COL4A1: variants seen among roughly 807,000 people sequenced by gnomAD.
COL4A1 encodes collagen alpha-1(IV) chain.
In COL4A1, 40 loss-of-function variants were observed where a neutral mutation model predicts 216.6. That is an observed-to-expected ratio of 0.18 (90% CI 0.14 to 0.24). COL4A1 has a LOEUF of 0.24. Ranked by LOEUF, COL4A1 falls within the 10% of genes least tolerant of loss-of-function variation. The pLI, the probability that COL4A1 is intolerant of heterozygous loss-of-function variation, is 1.00. For synonymous variants in COL4A1, 839 were observed against 810.7 expected, an observed-to-expected ratio of 1.03 and a Z score of -0.59; for missense variants, 1,628 against 2,196.8, an observed-to-expected ratio of 0.74 and a Z score of 5.18.
chr13:110,251,748 G>A (rs1201556963), intron 1 of COL4A1, among the ~76,000 whole-genome samples: 2 of 152,158 alleles, frequency 1.3e-5, no homozygotes, highest in East Asian at 3.9e-4. Context: ...GGTGCAAGCC[G>A]GTACAGAATT....
chr13:110,201,319 GGGAGGAGGAAGGAGGA>G (rs970670617), intron 19 of COL4A1, 103 bp downstream of exon 19: 2 of 667,242 alleles, frequency 3.0e-6, no homozygotes, highest in African/African-American at 2.0e-5. Context: ...GAGAAGGAGG[GGGAGGAGGAAGGAGGA>G]GGAGGAACAG....
intron 1 of COL4A1, among the ~76,000 whole-genome samples, chr13:110,284,927 G>A (rs961501467): frequency 3.3e-5 from 5 of 152,182 alleles, no homozygotes; most frequent in African/African-American, 7.2e-5. Context: ...AGATGACACC[G>A]TCCCTGCCCT....
intron 2 of COL4A1, among the ~76,000 whole-genome samples, chr13:110,227,169 A>G (rs1225147523): frequency 1.3e-5 from 2 of 152,142 alleles, no homozygotes; most frequent in Non-Finnish European, 2.9e-5. Context: ...TTTTTTTCTT[A>G]ACTACTTAAT....
At chr13:110,288,779 A>G (rs1269315632) in intron 1 of COL4A1, among the ~76,000 whole-genome samples, 1 of 152,166 alleles carries the variant, frequency 6.6e-6, no homozygotes, top group East Asian at 1.9e-4. Context: ...CACGCCTGTA[A>G]TCCCAGCACT....
At position 110,201,348 on chromosome 13, in the gene COL4A1, G is replaced by A. The variant is rs114047868; in HGVS notation, c.1084+90C>T. ...GGAGGAAGGAGGAGGAGGAACAGGAGGAGGAGGAGGAAGAGGACGAGGAGG... is the reference window on the plus strand; with the variant it reads ...GGAGGAAGGAGGAGGAGGAACAGGAAGAGGAGGAGGAAGAGGACGAGGAGG... On this transcript the variant is annotated intron_variant, in intron 19 of 51. Transcript: ENST00000375820. The A allele has an allele frequency of 0.019, 17,451 of 931,546 alleles. 352 individuals are homozygous for A. The highest frequency in any genetic ancestry group is 0.09 in the East Asian group (3,381 of 37,558). The allele number at this position is 931,546 out of a possible 1,614,324, so 57.7% of individuals were successfully genotyped here.
intron 1 of COL4A1, among the ~76,000 whole-genome samples, chr13:110,259,813 C>T (rs1351657242): frequency 9.2e-5 from 14 of 152,228 alleles, no homozygotes; most frequent in Non-Finnish European, 2.1e-4. Flanking sequence ...GCTGCCTTCT[C>T]CTCCGGGCTC....
intron 2 of COL4A1, among the ~76,000 whole-genome samples, chr13:110,223,876 T>C (rs1880617611): frequency 6.6e-6 from 1 of 152,204 alleles, no homozygotes; most frequent in African/African-American, 2.4e-5. Context: ...GGCTTGGTAC[T>C]GACCTGCCAA....
At chr13:110,224,374 G>A (rs1398288451) in intron 2 of COL4A1, among the ~76,000 whole-genome samples, 1 of 152,216 alleles carries the variant, frequency 6.6e-6, no homozygotes, top group East Asian at 1.9e-4. Context: ...CCAAGCTGGA[G>A]TACAGTGGCA....
chr13:110,207,346 T>G lies in COL4A1; in HGVS notation c.780+57A>C, dbSNP rs1879566029. The G allele has an allele frequency of 6.8e-7, 1 of 1,469,380 alleles. No individual in the cohort carries two copies. The highest frequency in any genetic ancestry group is 9.5e-7 in the Non-Finnish European group (1 of 1,047,912). 91.0% of individuals were successfully genotyped at this position (1,469,380 alleles called of 1,614,324 possible). ...AGTTTTGACCCATTTTCTCTTTATCTTTTGGAATTTGTCCAAAATTAGAAA... is the reference window on the plus strand; with the variant it reads ...AGTTTTGACCCATTTTCTCTTTATCGTTTGGAATTTGTCCAAAATTAGAAA... On this transcript the variant is annotated intron_variant, in intron 13 of 51. Coordinates refer to ENST00000375820, the MANE Select transcript of COL4A1 (RefSeq NM_001845.6). This position sits in a 1 kb window ranked among gnomAD's most constrained non-coding sequence, Gnocchi z 4.4.
intron 1 of COL4A1, among the ~76,000 whole-genome samples, chr13:110,247,228 C>T (rs144833229): frequency 6.6e-6 from 1 of 152,238 alleles, no homozygotes; most frequent in African/African-American, 2.4e-5. Flanking sequence ...GCCAAACTGA[C>T]TTAACTGTGT....
intron 2 of COL4A1, among the ~76,000 whole-genome samples, chr13:110,239,354 G>T (rs1881458212): frequency 6.6e-6 from 1 of 152,198 alleles, no homozygotes; most frequent in South Asian, 2.1e-4. Flanking sequence ...CTGATGGTTT[G>T]CAAATAATAG....
At chr13:110,256,863 T>C (rs1473542519) in intron 1 of COL4A1, among the ~76,000 whole-genome samples, 1 of 152,184 alleles carries the variant, frequency 6.6e-6, no homozygotes, top group Non-Finnish European at 1.5e-5. Flanking sequence ...TTGATTAATT[T>C]AATATTACTT....
chr13:110,295,519 C>A (rs1483741717), intron 1 of COL4A1, among the ~76,000 whole-genome samples: 1 of 151,260 alleles, frequency 6.6e-6, no homozygotes, highest in African/African-American at 2.4e-5. Flanking sequence ...TCCACCTCCC[C>A]CATTCAAGCG....
In COL4A1 at chr13:110,160,368, G is replaced by A. The variant is rs570437606; in HGVS notation, c.4640+824C>T. Among the ~76,000 whole-genome samples the A allele has an allele frequency of 6.0e-3, 726 of 121,222 alleles. 63 individuals are homozygous for A. Among genetic ancestry groups the A allele is most frequent in the African/African-American group, 0.024 (690 of 28,316 alleles). 79.5% of individuals were successfully genotyped at this position (121,222 alleles called of 152,430 possible). ...GAGGCAGGAGAATGGCGTGAACCCC[G>A]GGAAGCGGAGCTTGCAGTGAGCCGA... On this transcript the variant is annotated intron_variant, in intron 49 of 51. Transcript: ENST00000375820.
At chr13:110,194,436 C>A (rs115342222) in intron 22 of COL4A1, among the ~76,000 whole-genome samples, 1 of 152,228 alleles carries the variant, frequency 6.6e-6, no homozygotes, top group East Asian at 1.9e-4. Flanking sequence ...ACTGTTGATG[C>A]AGTGATAATC....
chr13:110,211,585 G>T lies in COL4A1; in HGVS notation c.468+62C>A. On this transcript the variant is annotated intron_variant, in intron 8 of 51. Transcript: ENST00000375820. This position sits in a 1 kb window ranked among gnomAD's most constrained non-coding sequence, Gnocchi z 4.3. ...GGTTTAAAGAGAATGTGCTTCTATGGCACTTGTTGTAAACAGATTCCCTGT... is the reference window on the plus strand; with the variant it reads ...GGTTTAAAGAGAATGTGCTTCTATGTCACTTGTTGTAAACAGATTCCCTGT... The T allele has an allele frequency of 6.6e-7, 1 of 1,506,132 alleles. No individual in the cohort carries two copies. The highest frequency in any genetic ancestry group is 9.1e-7 in the Non-Finnish European group (1 of 1,098,160). 93.3% of individuals were successfully genotyped at this position (1,506,132 alleles called of 1,614,324 possible). A position where few individuals can be genotyped will look rare whatever the true frequency, so the allele number is the denominator to read the frequency against.
intron 2 of COL4A1, among the ~76,000 whole-genome samples, chr13:110,239,225 T>C (rs1268263152): frequency 6.6e-6 from 1 of 152,182 alleles, no homozygotes; most frequent in Non-Finnish European, 1.5e-5. Flanking sequence ...TGCACTAAAA[T>C]GTATTTATAG....
chr13:110,227,144 GTAT>G (rs975376898), intron 2 of COL4A1, among the ~76,000 whole-genome samples: 12 of 152,154 alleles, frequency 7.9e-5, no homozygotes, highest in African/African-American at 2.7e-4. Context: ...TAAACTTACA[GTAT>G]CATTTCCTGC....
chr13:110,203,877 T>C (rs1039540621), intron 17 of COL4A1, among the ~76,000 whole-genome samples: 2 of 152,250 alleles, frequency 1.3e-5, no homozygotes, highest in African/African-American at 4.8e-5. Flanking sequence ...CCCAGATACT[T>C]GTCCCATCAA....
Sources: gnomAD v4.1 joint callset for allele counts (sites outside exome capture counted in the v4.1 genomes callset) on GRCh38, gnomAD v4.1.1 for gene constraint, Gnocchi (gnomAD v3.1) non-coding constraint, MANE v1.5 for transcripts, NCBI Gene and HGNC (gene_info 2026-07-23, HGNC 2026-07-21) for gene names.